The following PRPF4 variants were observed in gnomAD, a reference collection of about 807,000 sequenced individuals.
The protein encoded by PRPF4 is U4/U6 small nuclear ribonucleoprotein Prp4.
In PRPF4, 14 loss-of-function variants were observed where a neutral mutation model predicts 72.2. The observed-to-expected ratio is 0.19, with a 90% CI of 0.13 to 0.30. PRPF4 has a LOEUF of 0.30. Ranked by LOEUF, PRPF4 falls within the 10% of genes least tolerant of loss-of-function variation. The pLI is 1.00. For synonymous variants in PRPF4, 225 were observed against 232.2 expected (o/e 0.97, Z 0.28); for missense variants, 478 against 653.9 (o/e 0.73, Z 2.93).
rs1832638576 is a variant in PRPF4 at position 113,292,531 on chromosome 9, T to C, written c.*871T>C. The C allele has an allele frequency of 6.6e-6, 1 of 152,210 alleles. No individual in the cohort carries two copies. The highest frequency in any genetic ancestry group is 6.5e-5 in the Admixed American group (1 of 15,280). 9.4% of individuals were successfully genotyped at this position (152,210 alleles called of 1,614,324 possible). ...GTGAAGAAGACTTCACCTCTTCCTA[T>C]TGAGTTTGCTTGGAATGCTGACAGC... On this transcript the variant is annotated 3_prime_UTR_variant, in exon 14 of 14. Transcript: ENST00000374198.
In PRPF4 at chr9:113,288,302, G is replaced by A. The variant is rs949305288; in HGVS notation, c.1022+38G>A. On this transcript the variant is annotated intron_variant, in intron 10 of 13. Transcript: ENST00000374198. ...GTTATTGTTTTATCCATATAGGCCT[G>A]TAGCATCTTCTTAACCCTTTATGGC... 10 of 1,584,970 alleles carry A rather than the reference G, an allele frequency of 6.3e-6. No homozygotes were observed. In the Admixed American group the frequency reaches 1.5e-4, roughly 24 times the overall value.
At position 113,282,625 on chromosome 9, in the gene PRPF4, CT is replaced by C. The variant is rs199502579; in HGVS notation, c.393-6del. On this transcript the variant is annotated intron_variant, in intron 3 of 13. Transcript: ENST00000374198. ...ATCTCAACCATGTTTAAATTCTGAT[CT>C]TTTTTTTTTTTTTTAACAGGTTAAG... The C allele has an allele frequency of 0.14, 160,021 of 1,160,894 alleles. 901 individuals carry two copies. Among genetic ancestry groups the C allele is most frequent in the African/African-American group, 0.24 (15,297 of 62,898 alleles). 71.9% of individuals were successfully genotyped at this position (1,160,894 alleles called of 1,614,324 possible). A position where few individuals can be genotyped will look rare whatever the true frequency, so the allele number is the denominator to read the frequency against.
intron 2 of PRPF4, among the ~76,000 whole-genome samples, chr9:113,277,447 G>A (rs539408657): frequency 7.9e-5 from 12 of 151,902 alleles, no homozygotes; most frequent in Admixed American, 2.0e-4. Context: ...ATGCAGTGGC[G>A]TAACCTTGGC....
At chr9:113,280,880 A>G (rs1349692111) in intron 3 of PRPF4, among the ~76,000 whole-genome samples, 1 of 151,364 alleles carries the variant, frequency 6.6e-6, no homozygotes, top group Non-Finnish European at 1.5e-5. Flanking sequence ...TCGCTCTGTC[A>G]CCCAGGGTGG....
In PRPF4 at chr9:113,286,912, C is replaced by T. The variant is rs909632123; in HGVS notation, c.932+84C>T. On this transcript the variant is annotated intron_variant, in intron 9 of 13. Transcript: ENST00000374198. ...TGGTCCCCAGGACCTCAGTAAAAAT[C>T]TGGCATTTAGGCCATGCGCAGTGGC... The T allele has an allele frequency of 6.2e-6, 10 of 1,602,006 alleles. No individual in the cohort carries two copies. The Admixed American group carries it at 1.5e-4, about 24-fold the overall frequency.
At chr9:113,286,917 A>C in intron 9 of PRPF4, 89 bp downstream of exon 9, 1 of 1,589,810 alleles carries the variant, frequency 6.3e-7, no homozygotes, top group Non-Finnish European at 8.6e-7. Flanking sequence ...AAAATCTGGC[A>C]TTTAGGCCAT....
In PRPF4 at chr9:113,283,464, G is replaced by A. The variant is rs1205776911; in HGVS notation, c.636G>A (p.Glu212=). 6.2e-7 allele frequency: 1 copy of A among 1,614,072 alleles called. No individual in the cohort carries two copies. Among genetic ancestry groups the A allele is most frequent in the Non-Finnish European group, 8.5e-7 (1 of 1,179,998 alleles). Residue 212 remains glutamate (E), a synonymous_variant, in exon 6 of 14, where the codon GAG becomes GAA. Transcript: ENST00000374198. ...CAACAAGGACCTCCCAGATGCAAGA[G>A]CTGCACAAGTCTCTCCGGGTAAGAT... is the stretch of plus-strand genomic sequence containing the variant. ...PETTRTSQMQ[E]LHKSLRSLNN...
intron 13 of PRPF4, 114 bp downstream of exon 13, chr9:113,291,130 C>T: frequency 9.9e-6 from 11 of 1,107,354 alleles, no homozygotes; most frequent in Non-Finnish European, 1.5e-5. Context: ...GAGAAATTGA[C>T]CTACTGGTAA....
chr9:113,292,553 C>T lies in PRPF4; in HGVS notation c.*893C>T, dbSNP rs1832639435. On this transcript the variant is annotated 3_prime_UTR_variant, in exon 14 of 14. Transcript: ENST00000374198. ...CTATTGAGTTTGCTTGGAATGCTGA[C>T]AGCATCAGGCAACTCTGAACTGAAC... 1 of 152,212 alleles carries T rather than the reference C, an allele frequency of 6.6e-6. No individual in the cohort carries two copies. The highest frequency in any genetic ancestry group is 2.4e-5 in the African/African-American group (1 of 41,454). The allele number at this position is 152,212 out of a possible 1,614,324, so 9.4% of individuals were successfully genotyped here.
chr9:113,282,798 T>C (rs1287552655), intron 4 of PRPF4, 65 bp downstream of exon 4: 1 of 1,336,130 alleles, frequency 7.5e-7, no homozygotes, highest in Non-Finnish European at 1.1e-6. Flanking sequence ...TCTCTCGTTT[T>C]CTGCTTTCAA....
intron 7 of PRPF4, among the ~76,000 whole-genome samples, chr9:113,285,424 G>C (rs905766928): frequency 7.9e-6 from 1 of 126,776 alleles, no homozygotes; most frequent in African/African-American, 3.0e-5. Context: ...TTTCGGCCAG[G>C]CTGGAGTGCA....
intron 13 of PRPF4, 45 bp from the exon 14 acceptor site, chr9:113,291,422 G>T: frequency 1.3e-6 from 2 of 1,536,556 alleles, no homozygotes; most frequent in South Asian, 2.4e-5. Flanking sequence ...CTTCTCTTTT[G>T]AATACTTGAA....
At chr9:113,279,948 G>A (rs938465656) in intron 3 of PRPF4, among the ~76,000 whole-genome samples, 9 of 152,214 alleles carry the variant, frequency 5.9e-5, no homozygotes, top group Non-Finnish European at 1.2e-4. Context: ...CAATTATGAG[G>A]AGCCCCTCTG....
chr9:113,283,020 T>TATTA (rs1832327536), intron 4 of PRPF4, 112 bp from the exon 5 acceptor site: 1 of 1,548,418 alleles, frequency 6.5e-7, no homozygotes. Context: ...GATTTCATCC[T>TATTA]ATTACCGAAT....
rs747398905 is a variant in PRPF4 at position 113,284,354 on chromosome 9, T to C, written c.714T>C (p.Phe238=). ...GDDRPISYCH[F]SPNSKMLATA... is the part of the protein sequence containing the mutation. ...ATCGGCCTATCTCCTACTGTCACTT[T>C]AGTCCCAATTCCAAGATGCTGGCCA... The change falls in exon 7 of 14, where the codon TTT becomes TTC. Residue 238 remains phenylalanine (F), a synonymous_variant. Coordinates refer to ENST00000374198, the MANE Select transcript of PRPF4 (RefSeq NM_001244926.2). The C allele has an allele frequency of 6.8e-6, 11 of 1,613,434 alleles. No individual in the cohort carries two copies. Among genetic ancestry groups the C allele is most frequent in the Non-Finnish European group, 9.3e-6 (11 of 1,179,366 alleles).
chr9:113,279,185 T>C, intron 3 of PRPF4, 54 bp downstream of exon 3: 1 of 1,502,032 alleles, frequency 6.7e-7, no homozygotes, highest in Non-Finnish European at 9.0e-7. Flanking sequence ...AGGGTTCTAC[T>C]CCAAATTTTG....
At chr9:113,287,502 G>A (rs890762917) in intron 9 of PRPF4, among the ~76,000 whole-genome samples, 8 of 151,584 alleles carry the variant, frequency 5.3e-5, no homozygotes, top group Non-Finnish European at 1.0e-4. Flanking sequence ...AAAAAACTTC[G>A]GAAGCACCCT....
In PRPF4 at chr9:113,290,919, T is replaced by C; in HGVS notation, c.1275T>C (p.Ser425=). 2 of 1,614,230 alleles carry C rather than the reference T, an allele frequency of 1.2e-6. No individual in the cohort carries two copies. Among genetic ancestry groups the C allele is most frequent in the East Asian group, 2.2e-5 (1 of 44,894 alleles). ...ACAGCTATCACATTGCAACCGGCAG[T>C]GGTGACAACACCTGCAAAGTGTGGG... The part of the protein sequence containing the change: ...SPNGYHIATG[S]GDNTCKVWDL... The change falls in exon 13 of 14, where the codon AGT becomes AGC. Residue 425 remains serine (S), a synonymous_variant. Transcript: ENST00000374198.
chr9:113,291,349 T>C (rs1832602908), intron 13 of PRPF4, 118 bp from the exon 14 acceptor site: 1 of 1,040,650 alleles, frequency 9.6e-7, no homozygotes, highest in African/African-American at 1.6e-5. Context: ...ATTTGTTCCC[T>C]TAAGTCTGTA....
Sources: allele counts gnomAD v4.1 joint callset (sites outside exome capture counted in the v4.1 genomes callset), GRCh38; gene constraint gnomAD v4.1.1; transcripts MANE v1.5; gene names NCBI Gene and HGNC (gene_info 2026-07-23, HGNC 2026-07-21).